IDUA: variants seen among roughly 807,000 people sequenced by gnomAD.
IDUA encodes the protein alpha-L-iduronidase.
In IDUA, 65 loss-of-function variants were observed where a neutral mutation model predicts 68.9. That is an observed-to-expected ratio of 0.94 (90% CI 0.77 to 1.16). The LOEUF (loss-of-function observed/expected upper bound fraction) is 1.16, where lower values mean the gene tolerates loss of function less well. Ranked by LOEUF, IDUA falls within the 50% of genes most tolerant of loss-of-function variation. The pLI is 0.00. For missense variants in IDUA, 1,046 were observed against 938.0 expected, an observed-to-expected ratio of 1.12 and a Z score of -1.50; for synonymous variants, 529 against 433.6, an observed-to-expected ratio of 1.22 and a Z score of -2.73.
chr4:1,003,052 GC>G lies in IDUA; in HGVS notation c.1420del (p.Arg474AlafsTer51). On this transcript the variant is annotated frameshift_variant, in exon 10 of 14. Coordinates refer to ENST00000514224, the MANE Select transcript of IDUA (RefSeq NM_000203.5). LOFTEE classifies it high-confidence loss of function. The stretch of plus-strand genomic sequence containing the variant: ...GCCCCGCAGGCCTGGTCTACGTCAC[GC>G]GCTACCTGGACAACGGGCTCTGCAG... ...PPGPGLVYVT[R>X]YLDNGLCSPD... is the part of the protein sequence containing the mutation. 6.6e-7 allele frequency: 1 copy of G among 1,513,806 alleles called. No individual in the cohort carries two copies. Among genetic ancestry groups the G allele is most frequent in the Non-Finnish European group, 8.8e-7 (1 of 1,140,132 alleles). 93.8% of individuals were successfully genotyped at this position (1,513,806 alleles called of 1,614,324 possible). A position where few individuals can be genotyped will look rare whatever the true frequency, so the allele number is the denominator to read the frequency against.
At chr4:987,714 C>A (rs968950760) in intron 1 of IDUA, 95 bp from the exon 2 acceptor site, 21 of 1,574,220 alleles carry the variant, frequency 1.3e-5, no homozygotes, top group Non-Finnish European at 1.7e-5. Flanking sequence ...CGCCTGGATC[C>A]TGCGCCCGGG....
At position 1,003,332 on chromosome 4, in the gene IDUA, C is replaced by A. The variant is rs1299884849; in HGVS notation, c.1525-13C>A. 4 of 1,449,500 alleles carry A rather than the reference C, an allele frequency of 2.8e-6. No individual in the cohort carries two copies. The highest frequency in any genetic ancestry group is 3.0e-5 in the African/African-American group (2 of 66,892). The allele number at this position is 1,449,500 out of a possible 1,614,324, so 89.8% of individuals were successfully genotyped here. On this transcript the variant is annotated splice_polypyrimidine_tract_variant and intron_variant, in intron 10 of 13. Transcript: ENST00000514224. ...TCCCCTGGAGAACCCTGAGGACCGG[C>A]CACTGCGCCCAGGACCCGGTGGCCG...
chr4:1,003,210 G>A (rs113289555), intron 10 of IDUA, 53 bp downstream of exon 10: 3 of 1,265,006 alleles, frequency 2.4e-6, no homozygotes, highest in Admixed American at 4.3e-5. Context: ...GTCCCGGGGG[G>A]GTGGGGTCCG....
intron 4 of IDUA, 174 bp downstream of exon 4, chr4:1,001,163 G>A (rs1199652921): frequency 3.1e-6 from 2 of 637,468 alleles, no homozygotes; most frequent in African/African-American, 3.7e-5. Context: ...CAGGCCCTGG[G>A]GCCCCAGGCT....
At chr4:999,030 C>T (rs1223441923) in intron 2 of IDUA, among the ~76,000 whole-genome samples, 2 of 151,992 alleles carry the variant, frequency 1.3e-5, no homozygotes, top group Non-Finnish European at 2.9e-5. Flanking sequence ...TGGTGAAACT[C>T]CGTCTCTACT....
rs1431108477 is a variant in IDUA, at chr4:1,002,430, C to T, written c.1134C>T (p.His378=). 1 of 1,570,072 alleles carries T rather than the reference C, an allele frequency of 6.4e-7. No homozygotes were observed. Residue 378 remains histidine (H), a synonymous_variant, in exon 8 of 14, where the codon CAC becomes CAT. Coordinates refer to ENST00000514224, the MANE Select transcript of IDUA (RefSeq NM_000203.5). ...RFQVNNTRPP[H]VQLLRKPVLT... ...AGGTCAACAACACCCGCCCGCCGCA[C>T]GTGCAGCTGTTGCGCAAGCCGGTGC...
At position 1,004,171 on chromosome 4, in the gene IDUA, T is replaced by C; in HGVS notation, c.1828+59T>C. ...ACCCCATTCTTGGGCCTCAGGGCAG[T>C]ACTGGGTGGGGGCCTCGAGAAGCCT... On this transcript the variant is annotated intron_variant, in intron 13 of 13. Transcript: ENST00000514224. This position sits in a 1 kb window ranked among gnomAD's most constrained non-coding sequence, Gnocchi z 5.0. The C allele has an allele frequency of 6.2e-7, 1 of 1,611,420 alleles. No homozygotes were observed. Among genetic ancestry groups the C allele is most frequent in the Non-Finnish European group, 8.5e-7 (1 of 1,178,998 alleles).
At chr4:988,366 G>C in intron 2 of IDUA, 4 of 1,072,326 alleles carry the variant, frequency 3.7e-6, no homozygotes, top group Non-Finnish European at 4.5e-6. Context: ...AGGGGCACTT[G>C]GGTGTGTGGG....
At chr4:1,001,602 G>C in intron 5 of IDUA, 39 bp downstream of exon 5, 1 of 1,610,566 alleles carries the variant, frequency 6.2e-7, no homozygotes, top group Non-Finnish European at 8.5e-7. Context: ...GGCTGAAAGG[G>C]GGCAGAGGAA....
intron 2 of IDUA, chr4:991,496 C>G: frequency 6.2e-7 from 1 of 1,610,126 alleles, no homozygotes; most frequent in Non-Finnish European, 8.5e-7. Flanking sequence ...ACGTCGCCTG[C>G]CAGGTACTCC....
chr4:996,889 T>C (rs2153020383), intron 2 of IDUA, among the ~76,000 whole-genome samples: 2 of 152,242 alleles, frequency 1.3e-5, no homozygotes, highest in Middle Eastern at 3.4e-3. Flanking sequence ...CAACACCTCC[T>C]TCCTTCCCCG....
rs1463496008 is a variant in IDUA at position 1,002,137 on chromosome 4, G to T, written c.948G>T (p.Val316=). 1 of 1,561,062 alleles carries T rather than the reference G, an allele frequency of 6.4e-7. No individual in the cohort carries two copies. The highest frequency in any genetic ancestry group is 2.4e-5 in the East Asian group (1 of 42,006). ...WSLPQPWRAD[V]TYAAMVVKVI... Reference sequence around the variant, plus strand: ...TGCCACAGCCGTGGAGGGCGGACGTGACCTACGCGGCCATGGTGGTGAAGG... The same window carrying T: ...TGCCACAGCCGTGGAGGGCGGACGTTACCTACGCGGCCATGGTGGTGAAGG... The change falls in exon 7 of 14, where the codon GTG becomes GTT. Residue 316 remains valine (V), a synonymous_variant. Transcript: ENST00000514224.
In IDUA at chr4:987,972, G is replaced by A. The variant is rs1178438993; in HGVS notation, c.299+23G>A. 4 of 1,550,608 alleles carry A rather than the reference G, an allele frequency of 2.6e-6. No individual in the cohort carries two copies. In the East Asian group the frequency reaches 9.7e-5, roughly 38 times the overall value. On this transcript the variant is annotated intron_variant, in intron 2 of 13. Coordinates refer to ENST00000514224, the MANE Select transcript of IDUA (RefSeq NM_000203.5). ...CAGGTGGGCGGCGGGCAGGGTCTGG[G>A]CGTCCCAGAGCCCCTTACAGAGGCA...
intron 2 of IDUA, chr4:991,917 G>T: frequency 9.7e-7 from 1 of 1,031,680 alleles, no homozygotes; most frequent in Non-Finnish European, 1.5e-6. Context: ...GCTGGGCCCT[G>T]CTGGATCCAG....
intron 2 of IDUA, chr4:991,565 G>C (rs199753982): frequency 1.2e-6 from 2 of 1,603,252 alleles, no homozygotes; most frequent in Admixed American, 1.7e-5. Context: ...ACCAGCGCCC[G>C]GACGCACAGC....
intron 2 of IDUA, among the ~76,000 whole-genome samples, chr4:993,864 C>A (rs1289886356): frequency 1.3e-5 from 2 of 152,208 alleles, no homozygotes; most frequent in African/African-American, 4.8e-5. Flanking sequence ...GCTGCCGGTG[C>A]GTGCATATGC....
At chr4:989,108 T>G in intron 2 of IDUA, 6 of 1,605,046 alleles carry the variant, frequency 3.7e-6, no homozygotes, top group Non-Finnish European at 3.4e-6. Flanking sequence ...ATGACCACTG[T>G]GTGGAAGCCG....
intron 2 of IDUA, among the ~76,000 whole-genome samples, chr4:994,820 A>G (rs974438590): frequency 1.3e-5 from 2 of 152,046 alleles, no homozygotes; most frequent in African/African-American, 2.4e-5. Flanking sequence ...CAGCTACTCA[A>G]GCGGCTCAGG....
chr4:1,001,749 C>A lies in IDUA; in HGVS notation c.660C>A (p.Gly220=). ...RAASPALRLG[G]PGDSFHTPPR... is the part of the protein sequence containing the mutation. ...CCAGCCCCGCCCTGCGGCTGGGAGG[C>A]CCCGGCGACTCCTTCCACACCCCAC... The change falls in exon 6 of 14, where the codon GGC becomes GGA. Residue 220 remains glycine, a synonymous_variant. Coordinates refer to ENST00000514224, the MANE Select transcript of IDUA (RefSeq NM_000203.5). 6.3e-7 allele frequency: 1 copy of A among 1,597,190 alleles called. No homozygotes were observed. The highest frequency in any genetic ancestry group is 8.5e-7 in the Non-Finnish European group (1 of 1,177,284).
Sources: allele counts gnomAD v4.1 joint callset (sites outside exome capture counted in the v4.1 genomes callset), GRCh38; gene constraint gnomAD v4.1.1; non-coding constraint Gnocchi (gnomAD v3.1); transcripts MANE v1.5; gene names NCBI Gene and HGNC (gene_info 2026-07-23, HGNC 2026-07-21).